AP2B1: variants seen among roughly 807,000 people sequenced by gnomAD.
The protein encoded by AP2B1 is AP-2 complex subunit beta.
AP2B1 carries 23 observed loss-of-function variants against 102.0 expected under a neutral mutation model. The ratio of observed to expected loss-of-function variants is 0.23; its 90% CI spans 0.16 to 0.32. The LOEUF is 0.32. Ranked by LOEUF, AP2B1 falls within the 10% of genes least tolerant of loss-of-function variation. AP2B1 has a pLI of 1.00. For synonymous variants in AP2B1, 381 were observed against 421.2 expected, an observed-to-expected ratio of 0.90 and a Z score of 1.17; for missense variants, 541 against 1,157.4, an observed-to-expected ratio of 0.47 and a Z score of 7.73.
chr17:35,710,262 G>A lies in AP2B1; in HGVS notation c.2568G>A (p.Lys856=), dbSNP rs2076420213. 3 of 1,613,614 alleles carry A rather than the reference G, an allele frequency of 1.9e-6. No homozygotes were observed. The highest frequency in any genetic ancestry group is 2.5e-6 in the Non-Finnish European group (3 of 1,179,708). ...GCCAGGTCTTCCTTGCAACATGGAA[G>A]GATATTCCCAATGAAAATGAACTTC... is the stretch of plus-strand genomic sequence containing the variant. ...MERQVFLATW[K]DIPNENELQF... The change falls in exon 20 of 22, where the codon AAG becomes AAA. Residue 856 remains lysine (K), a synonymous_variant. Coordinates refer to ENST00000610402, the MANE Select transcript of AP2B1 (RefSeq NM_001030006.2).
rs765747346 is a variant in AP2B1 at position 35,627,490 on chromosome 17, A to G, written c.1044A>G (p.Gln348=). The change falls in exon 8 of 22, where the codon CAA becomes CAG. Residue 348 remains glutamine (Q), a synonymous_variant. Transcript: ENST00000610402. ...ACATCATGATTCGTTTGGCATCTCAAGCCAACATTGCTCAGGTCAGACTTT... is the reference window on the plus strand; with the variant it reads ...ACATCATGATTCGTTTGGCATCTCAGGCCAACATTGCTCAGGTCAGACTTT... ...KLDIMIRLAS[Q]ANIAQVLAEL... The G allele has an allele frequency of 5.6e-6, 9 of 1,614,098 alleles. No individual in the cohort carries two copies. Among genetic ancestry groups the G allele is most frequent in the Non-Finnish European group, 7.6e-6 (9 of 1,180,004 alleles).
chr17:35,625,160 A>G (rs1273732323), intron 6 of AP2B1, among the ~76,000 whole-genome samples: 1 of 152,230 alleles, frequency 6.6e-6, no homozygotes, highest in Non-Finnish European at 1.5e-5. Context: ...TCATCTACAC[A>G]TACATACATT....
chr17:35,645,684 TAC>T (rs1352682341), intron 12 of AP2B1, among the ~76,000 whole-genome samples: 2 of 152,052 alleles, frequency 1.3e-5, no homozygotes, highest in South Asian at 4.1e-4. Flanking sequence ...ACCCCATCTC[TAC>T]TAAAAATATA....
intron 5 of AP2B1, among the ~76,000 whole-genome samples, chr17:35,613,465 T>G (rs2073925904): frequency 6.6e-6 from 1 of 152,124 alleles, no homozygotes; most frequent in African/African-American, 2.4e-5. Context: ...TTTTACAATT[T>G]ATAGTTTAGT....
intron 14 of AP2B1, 137 bp downstream of exon 14, chr17:35,657,928 T>C (rs1440960257): frequency 1.4e-5 from 10 of 711,932 alleles, no homozygotes; most frequent in South Asian, 2.3e-5. Context: ...ACAGGATTCT[T>C]TGTCTTTAGT....
chr17:35,652,829 A>G (rs951773687), intron 13 of AP2B1, among the ~76,000 whole-genome samples: 25 of 152,194 alleles, frequency 1.6e-4, no homozygotes, highest in African/African-American at 6.0e-4. Flanking sequence ...TACTGATAGA[A>G]CCATGTGTTC....
chr17:35,717,411 TTTAC>T, intron 21 of AP2B1, 62 bp downstream of exon 21: 2 of 1,584,536 alleles, frequency 1.3e-6, no homozygotes, highest in Non-Finnish European at 1.7e-6. Flanking sequence ...CCCTTTCATG[TTTAC>T]TTAGCACCCT....
chr17:35,715,970 T>A (rs1433767693), intron 20 of AP2B1, among the ~76,000 whole-genome samples: 1 of 152,200 alleles, frequency 6.6e-6, no homozygotes, highest in East Asian at 1.9e-4. Flanking sequence ...AGTTCACGTC[T>A]ATGTCTATGG....
intron 21 of AP2B1, among the ~76,000 whole-genome samples, chr17:35,720,166 CATGCTTA>C (rs2085314475): frequency 2.0e-5 from 3 of 152,102 alleles, no homozygotes; most frequent in Admixed American, 1.3e-4. Flanking sequence ...TTGTGCTGTA[CATGCTTA>C]AAAAGGCAAA....
intron 13 of AP2B1, among the ~76,000 whole-genome samples, chr17:35,657,384 A>G (rs2075256631): frequency 6.6e-6 from 1 of 152,246 alleles, no homozygotes; most frequent in African/African-American, 2.4e-5. Context: ...TTTACATAAT[A>G]TAATTTATTT....
At chr17:35,595,409 C>T (rs225300) in intron 2 of AP2B1, among the ~76,000 whole-genome samples, 130,384 of 151,822 alleles carry the variant, frequency 0.86, 56,274 homozygotes, top group East Asian at 0.97. Context: ...TAGCCCTGTA[C>T]GGTGGTGCAC....
At position 35,627,651 on chromosome 17, in the gene AP2B1, A is replaced by G. The variant is rs1465334527; in HGVS notation, c.1080A>G (p.Glu360=). The G allele has an allele frequency of 1.2e-6, 2 of 1,614,116 alleles. No individual in the cohort carries two copies. The highest frequency in any genetic ancestry group is 8.5e-7 in the Non-Finnish European group (1 of 1,179,992). Residue 360 remains glutamate (E), a synonymous_variant, in exon 9 of 22, where the codon GAA becomes GAG. Coordinates refer to ENST00000610402, the MANE Select transcript of AP2B1 (RefSeq NM_001030006.2). The stretch of plus-strand genomic sequence containing the variant: ...AACAGGTTCTGGCAGAACTGAAAGA[A>G]TATGCTACAGAGGTGGATGTTGACT... The part of the protein sequence containing the change: ...NIAQVLAELK[E]YATEVDVDFV...
intron 18 of AP2B1, among the ~76,000 whole-genome samples, chr17:35,692,667 A>G (rs905941149): frequency 6.6e-6 from 1 of 152,012 alleles, no homozygotes; most frequent in Non-Finnish European, 1.5e-5. Context: ...TGGGGAAGAA[A>G]GTACATTATT....
chr17:35,643,358 C>A (rs2074838358), intron 12 of AP2B1, among the ~76,000 whole-genome samples: 2 of 152,174 alleles, frequency 1.3e-5, no homozygotes, highest in Admixed American at 6.5e-5. Context: ...GCCTTTCTTC[C>A]TCTCTGCTTA....
chr17:35,638,432 A>T (rs1018588814), intron 10 of AP2B1, among the ~76,000 whole-genome samples: 6 of 152,310 alleles, frequency 3.9e-5, no homozygotes, highest in African/African-American at 1.4e-4. Flanking sequence ...AAATATTTTA[A>T]TTACTTCTTT....
chr17:35,670,966 C>G, intron 15 of AP2B1, 68 bp downstream of exon 15: 2 of 1,508,426 alleles, frequency 1.3e-6, no homozygotes, highest in African/African-American at 1.4e-5. Flanking sequence ...CCTATGTACA[C>G]ATTATCAGAC....
At chr17:35,611,321 A>G (rs1453813690) in intron 5 of AP2B1, among the ~76,000 whole-genome samples, 1 of 152,210 alleles carries the variant, frequency 6.6e-6, no homozygotes, top group Non-Finnish European at 1.5e-5. Context: ...AGAATATGGA[A>G]TGGCTCAAAG....
At chr17:35,686,935 C>G (rs2075947715) in intron 18 of AP2B1, among the ~76,000 whole-genome samples, 1 of 152,158 alleles carries the variant, frequency 6.6e-6, no homozygotes, top group African/African-American at 2.4e-5. Context: ...TGAGATCGCG[C>G]CACTGCACTC....
intron 18 of AP2B1, among the ~76,000 whole-genome samples, chr17:35,703,476 A>G (rs1017838240): frequency 4.6e-5 from 7 of 152,170 alleles, no homozygotes; most frequent in African/African-American, 9.7e-5. Flanking sequence ...TGGTACATGT[A>G]TACCGTGGAA....
Sources: allele counts gnomAD v4.1 joint callset (sites outside exome capture counted in the v4.1 genomes callset), GRCh38; gene constraint gnomAD v4.1.1; transcripts MANE v1.5; gene names NCBI Gene and HGNC (gene_info 2026-07-23, HGNC 2026-07-21).